Variants in ADGRL3 observed in about 807,000 individuals in gnomAD.
ADGRL3 encodes calcium-independent alpha-latrotoxin receptor 3.
Under a neutral mutation model 153.5 loss-of-function variants are expected in ADGRL3, and 62 were observed. That is an observed-to-expected ratio of 0.40 (90% CI 0.33 to 0.50). The LOEUF (loss-of-function observed/expected upper bound fraction) is 0.50. Ranked by LOEUF, ADGRL3 falls within the 20% of genes least tolerant of loss-of-function variation. The pLI is 0.47. For missense variants in ADGRL3, 1,641 were observed against 1,859.4 expected, an observed-to-expected ratio of 0.88 and a Z score of 2.16; for synonymous variants, 710 against 672.5, an observed-to-expected ratio of 1.06 and a Z score of -0.86.
intron 6 of ADGRL3, among the ~76,000 whole-genome samples, chr4:61,703,529 C>T (rs1050489222): frequency 2.0e-5 from 3 of 151,796 alleles, no homozygotes; most frequent in African/African-American, 2.4e-5. Flanking sequence ...ATGAAAACTG[C>T]TTATTCTTTC....
At chr4:61,369,155 T>A (rs1248350571) in intron 1 of ADGRL3, among the ~76,000 whole-genome samples, 1 of 152,162 alleles carries the variant, frequency 6.6e-6, no homozygotes, top group Non-Finnish European at 1.5e-5. Context: ...TTTCTAGATA[T>A]ACAATCATGT....
At chr4:61,581,740 T>A in intron 4 of ADGRL3, among the ~76,000 whole-genome samples, 1 of 152,094 alleles carries the variant, frequency 6.6e-6, no homozygotes, top group African/African-American at 2.4e-5. Context: ...ATCTGGCTCA[T>A]GACACTAAAA....
At chr4:61,311,282 C>T (rs2094993863) in intron 1 of ADGRL3, among the ~76,000 whole-genome samples, 1 of 152,060 alleles carries the variant, frequency 6.6e-6, no homozygotes, top group African/African-American at 2.4e-5. Context: ...AGATTGTTTC[C>T]ATTTTGTTGT....
At chr4:61,290,324 T>G (rs900198142) in intron 1 of ADGRL3, among the ~76,000 whole-genome samples, 1 of 152,106 alleles carries the variant, frequency 6.6e-6, no homozygotes, top group Non-Finnish European at 1.5e-5. Context: ...ATGGTTAGGT[T>G]GATTAATAAA....
chr4:61,647,993 A>G (rs1401559259), intron 5 of ADGRL3, among the ~76,000 whole-genome samples: 5 of 152,152 alleles, frequency 3.3e-5, no homozygotes, highest in South Asian at 2.1e-4. Flanking sequence ...CGTTTTACCT[A>G]TAACCACACA....
intron 9 of ADGRL3, among the ~76,000 whole-genome samples, chr4:61,855,097 G>A (rs2098248166): frequency 6.6e-6 from 1 of 152,066 alleles, no homozygotes; most frequent in South Asian, 2.1e-4. Context: ...AAGACATGAG[G>A]AAAAATTAAT....
intron 21 of ADGRL3, among the ~76,000 whole-genome samples, chr4:62,013,261 G>A (rs965667222): frequency 3.9e-5 from 6 of 152,076 alleles, no homozygotes; most frequent in Non-Finnish European, 5.9e-5. Context: ...GCTGGGCACC[G>A]CAGTGGCTCA....
intron 5 of ADGRL3, among the ~76,000 whole-genome samples, chr4:61,595,999 A>C (rs372748822): frequency 2.6e-4 from 39 of 151,524 alleles, no homozygotes; most frequent in Non-Finnish European, 4.1e-4. Flanking sequence ...GTGCACAAAT[A>C]CTCTCTCTGT....
chr4:61,366,199 T>TG (rs2096393731), intron 1 of ADGRL3, among the ~76,000 whole-genome samples: 1 of 152,196 alleles, frequency 6.6e-6, no homozygotes, highest in African/African-American at 2.4e-5. Flanking sequence ...CTCTTTCCAA[T>TG]ATGTATACAG....
At chr4:61,228,835 G>T (rs1749177489) in intron 1 of ADGRL3, among the ~76,000 whole-genome samples, 1 of 152,102 alleles carries the variant, frequency 6.6e-6, no homozygotes, top group Non-Finnish European at 1.5e-5. Context: ...GGGATTACAG[G>T]AACCTGCCAC....
Position 62,071,041 on chromosome 4 carries a change from C to A in ADGRL3, c.*133C>A. ...TCCTCTAAAGACAAACACAAACTCT[C>A]AGACTTTTTTTTTTTTAATGGGATT... On this transcript the variant is annotated 3_prime_UTR_variant, in exon 27 of 27. Coordinates refer to ENST00000683033, the MANE Select transcript of ADGRL3 (RefSeq NM_001387552.1). 1.2e-6 allele frequency: 1 copy of A among 808,116 alleles called. No homozygotes were observed. The highest frequency in any genetic ancestry group is 1.9e-6 in the Non-Finnish European group (1 of 534,660). The allele number at this position is 808,116 out of a possible 1,614,324, so 50.1% of individuals were successfully genotyped here.
intron 1 of ADGRL3, among the ~76,000 whole-genome samples, chr4:61,248,000 TG>T (rs755758625): frequency 2.0e-5 from 3 of 152,090 alleles, no homozygotes; most frequent in Non-Finnish European, 2.9e-5. Context: ...AAAATTAATT[TG>T]TATATGTTTT....
At chr4:61,974,239 G>A (rs570772973) in intron 17 of ADGRL3, among the ~76,000 whole-genome samples, 105 of 152,248 alleles carry the variant, frequency 6.9e-4, no homozygotes, top group African/African-American at 2.2e-3. Flanking sequence ...AAAGCGCTGG[G>A]ATTATAGGAA....
chr4:61,979,215 T>TA (rs1417423564), intron 17 of ADGRL3, among the ~76,000 whole-genome samples: 1 of 152,154 alleles, frequency 6.6e-6, no homozygotes, highest in African/African-American at 2.4e-5. Context: ...AAAATTAGTC[T>TA]AAAAAAGTGA....
chr4:61,500,894 G>A (rs2098380214), intron 3 of ADGRL3, among the ~76,000 whole-genome samples: 1 of 152,190 alleles, frequency 6.6e-6, no homozygotes, highest in South Asian at 2.1e-4. Context: ...GACACAGAGG[G>A]AATTTAAAAT....
intron 1 of ADGRL3, among the ~76,000 whole-genome samples, chr4:61,307,736 A>T (rs2150455516): frequency 6.6e-6 from 1 of 152,300 alleles, no homozygotes. Context: ...AAAAAGTAAA[A>T]CCAATGTGAG....
intron 1 of ADGRL3, among the ~76,000 whole-genome samples, chr4:61,354,574 CTGTGTGTGTGTGTG>C (rs58238791): frequency 6.7e-6 from 1 of 148,390 alleles, no homozygotes; most frequent in East Asian, 2.0e-4. Flanking sequence ...AAGACTTTGT[CTGTGTGTGTGTGTG>C]TGTGTGTGTG....
chr4:61,558,857 C>T (rs976654411), intron 4 of ADGRL3, among the ~76,000 whole-genome samples: 2 of 151,952 alleles, frequency 1.3e-5, no homozygotes, highest in Non-Finnish European at 1.5e-5. Flanking sequence ...TTTTCTAGGC[C>T]ACAAAGAACA....
At chr4:61,300,768 CTT>C (rs1239709667) in intron 1 of ADGRL3, among the ~76,000 whole-genome samples, 11 of 28,916 alleles carry the variant, frequency 3.8e-4, no homozygotes, top group Admixed American at 5.4e-4. Context: ...TTCTTTCTTT[CTT>C]TTTTTTTTTT....
Sources: gnomAD v4.1 joint callset for allele counts (sites outside exome capture counted in the v4.1 genomes callset) on GRCh38, gnomAD v4.1.1 for gene constraint, MANE v1.5 for transcripts, NCBI Gene and HGNC (gene_info 2026-07-23, HGNC 2026-07-21) for gene names.